The following BRINP3 variants were observed in gnomAD, a reference collection of about 807,000 sequenced individuals.
BRINP3 encodes BMP/retinoic acid inducible neural specific 3, also known as BMP/retinoic acid-inducible neural-specific protein 3.
Under a neutral mutation model 71.0 loss-of-function variants are expected in BRINP3, and 19 were observed. The observed-to-expected ratio is 0.27, with a 90% CI of 0.19 to 0.39. The LOEUF (loss-of-function observed/expected upper bound fraction) is 0.39, where lower values mean the gene tolerates loss of function less well. Among genes scored for constraint, BRINP3 ranks in the 10% least tolerant of loss-of-function variants. The pLI is 1.00. For synonymous variants in BRINP3, 380 were observed against 337.7 expected, an observed-to-expected ratio of 1.13 and a Z score of -1.37; for missense variants, 959 against 940.8, an observed-to-expected ratio of 1.02 and a Z score of -0.25.
At chr1:190,208,968 C>A (rs569245946) in intron 6 of BRINP3, among the ~76,000 whole-genome samples, 1 of 151,996 alleles carries the variant, frequency 6.6e-6, no homozygotes, top group Non-Finnish European at 1.5e-5. Context: ...GGGGTAATGC[C>A]TAAAATGTCC....
At chr1:190,455,070 A>ACT in intron 1 of BRINP3, 130 bp from the exon 2 acceptor site, 2 of 512,388 alleles carry the variant, frequency 3.9e-6, no homozygotes, top group Non-Finnish European at 6.9e-6. Flanking sequence ...AGCAGATAAT[A>ACT]AAATACAAAC....
chr1:190,286,251 T>G (rs1193301263), intron 2 of BRINP3, among the ~76,000 whole-genome samples: 1 of 152,172 alleles, frequency 6.6e-6, no homozygotes, highest in Non-Finnish European at 1.5e-5. Flanking sequence ...TTTTCTACAA[T>G]GTTTATTATA....
chr1:190,125,984 T>C (rs1032297372), intron 7 of BRINP3, among the ~76,000 whole-genome samples: 1 of 123,986 alleles, frequency 8.1e-6, no homozygotes, highest in Non-Finnish European at 1.8e-5. Context: ...ATACCAGCTA[T>C]AAAAGGCCTT....
chr1:190,404,691 T>A (rs1672147342), intron 2 of BRINP3, among the ~76,000 whole-genome samples: 1 of 152,180 alleles, frequency 6.6e-6, no homozygotes, highest in Non-Finnish European at 1.5e-5. Context: ...CCAGAGAATA[T>A]AAATTATTAA....
At chr1:190,358,170 T>C (rs1300666311) in intron 2 of BRINP3, among the ~76,000 whole-genome samples, 4 of 152,108 alleles carry the variant, frequency 2.6e-5, no homozygotes, top group Non-Finnish European at 5.9e-5. Context: ...AGGATCTAAT[T>C]AAACTAAAGA....
chr1:190,377,399 T>A (rs144206889), intron 2 of BRINP3, among the ~76,000 whole-genome samples: 27 of 152,064 alleles, frequency 1.8e-4, no homozygotes, highest in African/African-American at 6.5e-4. Flanking sequence ...GCCTTCTCCC[T>A]CATATCAGAA....
chr1:190,245,324 A>G (rs566412026), intron 4 of BRINP3, among the ~76,000 whole-genome samples: 1 of 151,840 alleles, frequency 6.6e-6, no homozygotes, highest in African/African-American at 2.4e-5. Flanking sequence ...GGAACTTATT[A>G]TCAGTAAAAG....
chr1:190,263,642 T>G (rs1046921245), intron 4 of BRINP3, among the ~76,000 whole-genome samples: 35 of 145,324 alleles, frequency 2.4e-4, no homozygotes, highest in Non-Finnish European at 3.7e-4. Context: ...CAGACTGGAG[T>G]GCAGTGGTGT....
chr1:190,454,867 A>G lies in BRINP3; in HGVS notation c.24T>C (p.Gly8=). The G allele has an allele frequency of 3.1e-6, 5 of 1,614,124 alleles. No individual in the cohort carries two copies. The highest frequency in any genetic ancestry group is 4.2e-6 in the Non-Finnish European group (5 of 1,179,996). Reference sequence around the variant, plus strand: ...GAGCCATCAGAGAGAACAATTCAGCACCAGCTCTGCTTCGCCATATCATGC... The same window carrying G: ...GAGCCATCAGAGAGAACAATTCAGCGCCAGCTCTGCTTCGCCATATCATGC... MIWRSRA[G]AELFSLMALW... is the part of the protein sequence containing the mutation. Residue 8 remains glycine, a synonymous_variant, in exon 2 of 8, where the codon GGT becomes GGC. Coordinates refer to ENST00000367462, the MANE Select transcript of BRINP3 (RefSeq NM_199051.3).
chr1:190,376,937 A>AT (rs773214703), intron 2 of BRINP3, among the ~76,000 whole-genome samples: 1 of 151,938 alleles, frequency 6.6e-6, no homozygotes, highest in Non-Finnish European at 1.5e-5. Context: ...TATCCAGTAA[A>AT]TTTTTTTGCA....
At chr1:190,258,162 C>A (rs1660841952) in intron 4 of BRINP3, among the ~76,000 whole-genome samples, 1 of 152,192 alleles carries the variant, frequency 6.6e-6, no homozygotes, top group African/African-American at 2.4e-5. Flanking sequence ...TCCCCAGCTG[C>A]TTTGTTCAAC....
At chr1:190,113,297 T>C (rs1303040891) in intron 7 of BRINP3, among the ~76,000 whole-genome samples, 7 of 152,102 alleles carry the variant, frequency 4.6e-5, no homozygotes, top group Non-Finnish European at 8.8e-5. Context: ...TCCCTCTCCC[T>C]TACCTTCTCC....
At chr1:190,304,984 T>C (rs551585426) in intron 2 of BRINP3, among the ~76,000 whole-genome samples, 2 of 151,888 alleles carry the variant, frequency 1.3e-5, no homozygotes, top group East Asian at 1.9e-4. Context: ...AAAGAAGACA[T>C]ACAAATGGCC....
At chr1:190,198,135 T>G (rs1654658770) in intron 6 of BRINP3, among the ~76,000 whole-genome samples, 1 of 151,818 alleles carries the variant, frequency 6.6e-6, no homozygotes, top group Non-Finnish European at 1.5e-5. Context: ...TGGCCCCTTT[T>G]GCTATGTCTG....
At chr1:190,270,446 C>G (rs1028413987) in intron 3 of BRINP3, among the ~76,000 whole-genome samples, 4 of 151,476 alleles carry the variant, frequency 2.6e-5, no homozygotes, top group Admixed American at 2.0e-4. Context: ...AAATAAGTGA[C>G]TTAAGAACAC....
intron 4 of BRINP3, 39 bp from the exon 5 acceptor site, chr1:190,234,516 C>T: frequency 6.8e-7 from 1 of 1,469,450 alleles, no homozygotes; most frequent in South Asian, 1.2e-5. Flanking sequence ...CTAAATCAGA[C>T]TTTACAATGT....
intron 2 of BRINP3, among the ~76,000 whole-genome samples, chr1:190,383,922 A>G (rs1448288345): frequency 2.0e-5 from 3 of 152,076 alleles, no homozygotes; most frequent in Non-Finnish European, 4.4e-5. Flanking sequence ...TACATGAATT[A>G]ACCCATTCAA....
intron 2 of BRINP3, among the ~76,000 whole-genome samples, chr1:190,377,271 G>A (rs1442779160): frequency 6.6e-6 from 1 of 151,892 alleles, no homozygotes; most frequent in South Asian, 2.1e-4. Flanking sequence ...AACACTGTAA[G>A]TGTTTTCTAA....
chr1:190,149,643 G>A (rs1226567904), intron 7 of BRINP3, among the ~76,000 whole-genome samples: 2 of 151,896 alleles, frequency 1.3e-5, no homozygotes, highest in African/African-American at 4.8e-5. Flanking sequence ...GTGTGTGTGT[G>A]TGTGTGTGTG....
Sources: gnomAD v4.1 joint callset for allele counts (sites outside exome capture counted in the v4.1 genomes callset) on GRCh38, gnomAD v4.1.1 for gene constraint, MANE v1.5 for transcripts, NCBI Gene and HGNC (gene_info 2026-07-23, HGNC 2026-07-21) for gene names.